CBFA2T3: variants seen among roughly 807,000 people sequenced by gnomAD.
CBFA2T3 encodes transcriptional corepressor CBFA2T3.
CBFA2T3 carries 31 observed loss-of-function variants against 58.6 expected under a neutral mutation model. That is an observed-to-expected ratio of 0.53 (90% CI 0.40 to 0.71). The LOEUF is 0.71. Ranked by LOEUF, CBFA2T3 falls within the 30% of genes least tolerant of loss-of-function variation. The probability of loss-of-function intolerance (pLI) is 0.00; values close to 1 mark genes in which losing one functional copy is unlikely to be tolerated. For missense variants in CBFA2T3, 1,076 were observed against 963.1 expected (o/e 1.12, Z -1.55); for synonymous variants, 531 against 421.9 (o/e 1.26, Z -3.17).
chr16:88,947,097 A>G (rs1003870470), intron 1 of CBFA2T3, among the ~76,000 whole-genome samples: 1 of 152,266 alleles, frequency 6.6e-6, no homozygotes, highest in Non-Finnish European at 1.5e-5. Context: ...ATTTCAGTTA[A>G]TGAAAAGGTG....
chr16:88,925,834 C>T (rs1971068972), intron 1 of CBFA2T3, among the ~76,000 whole-genome samples: 1 of 152,200 alleles, frequency 6.6e-6, no homozygotes, highest in Non-Finnish European at 1.5e-5. Context: ...ATAGGGAGCC[C>T]CGGTACCAAG....
chr16:88,900,417 C>A (rs773855135), intron 2 of CBFA2T3, among the ~76,000 whole-genome samples: 4 of 152,228 alleles, frequency 2.6e-5, no homozygotes, highest in African/African-American at 9.6e-5. Context: ...GCGGAGCAGG[C>A]CCCCAGCCTC....
chr16:88,922,321 G>A (rs1307944681), intron 1 of CBFA2T3, among the ~76,000 whole-genome samples: 3 of 152,266 alleles, frequency 2.0e-5, no homozygotes, highest in Non-Finnish European at 2.9e-5. Context: ...CAGAGTAAAA[G>A]TCCTGTCCAG....
intron 1 of CBFA2T3, chr16:88,937,589 C>G (rs555905478): frequency 6.6e-6 from 1 of 152,284 alleles, no homozygotes. Context: ...TACCCACCCG[C>G]GTCGGGCTCC....
intron 1 of CBFA2T3, among the ~76,000 whole-genome samples, chr16:88,902,959 G>A (rs771026416): frequency 3.1e-4 from 47 of 152,002 alleles, no homozygotes; most frequent in Non-Finnish European, 5.1e-4. Context: ...TCTCACCCAC[G>A]ACTGCCCTGC....
chr16:88,916,558 G>C (rs1489883339), intron 1 of CBFA2T3, among the ~76,000 whole-genome samples: 3 of 139,446 alleles, frequency 2.2e-5, no homozygotes, highest in African/African-American at 7.9e-5. Flanking sequence ...GATGGCTGCA[G>C]AACACTCCGG....
intron 1 of CBFA2T3, chr16:88,941,114 C>T (rs1871367075): frequency 1.0e-6 from 1 of 984,116 alleles, no homozygotes; most frequent in South Asian, 4.7e-5. Context: ...GTCCCCGCCT[C>T]CACGACTCAG....
chr16:88,895,995 C>A (rs1308354595), intron 3 of CBFA2T3, among the ~76,000 whole-genome samples: 2 of 152,206 alleles, frequency 1.3e-5, no homozygotes, highest in African/African-American at 4.8e-5. Flanking sequence ...TACTGTGTGT[C>A]CCCAGCCAGA....
chr16:88,954,230 C>A (rs1972148771), intron 1 of CBFA2T3, among the ~76,000 whole-genome samples: 1 of 152,182 alleles, frequency 6.6e-6, no homozygotes, highest in Non-Finnish European at 1.5e-5. Context: ...GCACCCTGAC[C>A]ACCATGATAG....
chr16:88,888,976 T>C (rs1023588760), intron 5 of CBFA2T3, among the ~76,000 whole-genome samples: 1 of 151,564 alleles, frequency 6.6e-6, no homozygotes, highest in Admixed American at 6.6e-5. Flanking sequence ...CCAGACGTCA[T>C]GGACAGGGGC....
At chr16:88,936,006 C>T (rs1213326090) in intron 1 of CBFA2T3, among the ~76,000 whole-genome samples, 1 of 152,170 alleles carries the variant, frequency 6.6e-6, no homozygotes, top group African/African-American at 2.4e-5. Context: ...CCTCCGGGAA[C>T]AGGGCAGGGG....
intron 1 of CBFA2T3, among the ~76,000 whole-genome samples, chr16:88,927,219 G>C (rs1158967106): frequency 6.6e-6 from 1 of 152,192 alleles, no homozygotes; most frequent in Non-Finnish European, 1.5e-5. Flanking sequence ...AGATGGAGGC[G>C]TGGCTCAGAG....
chr16:88,904,260 G>A (rs1487663267), intron 1 of CBFA2T3, among the ~76,000 whole-genome samples: 1 of 152,122 alleles, frequency 6.6e-6, no homozygotes, highest in Non-Finnish European at 1.5e-5. Flanking sequence ...CTGGACAGAG[G>A]CTCACTGCAG....
intron 1 of CBFA2T3, among the ~76,000 whole-genome samples, chr16:88,968,808 C>T (rs1169392100): frequency 2.6e-5 from 4 of 152,276 alleles, no homozygotes; most frequent in South Asian, 2.1e-4. Context: ...GCGCCTGGCA[C>T]GGAGGGGTGT....
At chr16:88,918,958 A>T (rs1970827003) in intron 1 of CBFA2T3, among the ~76,000 whole-genome samples, 3 of 152,284 alleles carry the variant, frequency 2.0e-5, no homozygotes. Context: ...AAATTTATTC[A>T]AAGACCTGTG....
intron 1 of CBFA2T3, among the ~76,000 whole-genome samples, chr16:88,954,414 C>CCCCACCCAAGGCTCCTGAT (rs1972160654): frequency 1.8e-5 from 2 of 108,112 alleles, no homozygotes; most frequent in Non-Finnish European, 4.0e-5. Context: ...AGACTCCTGA[C>CCCCACCCAAGGCTCCTGAT]CCCACCCAAG....
Position 88,877,050 on chromosome 16 carries a change from C to T in CBFA2T3, c.1888G>A (p.Glu630Lys), listed in dbSNP as rs375495507. 4.9e-5 allele frequency: 74 copies of T among 1,517,162 alleles called. No individual in the cohort carries two copies. The highest frequency in any genetic ancestry group is 1.2e-4 in the South Asian group (10 of 82,518). 94.0% of individuals were successfully genotyped at this position (1,517,162 alleles called of 1,614,324 possible). The change falls in exon 12 of 12, where the codon GAA becomes AAA. Residue 630 changes from glutamate (E) to lysine (K), a missense_variant. By Grantham distance (56) the Glu-to-Lys change is moderately conservative (BLOSUM62 1). Coordinates refer to ENST00000268679, the MANE Select transcript of CBFA2T3 (RefSeq NM_005187.6). ...SLPVGAASPS[E>K]AGSAGPSRPG... ...CGAGAAGGCCCCGCAGAGCCGGCTT[C>T]GCTGGGGCTGGCAGCACCCACAGGC...
intron 1 of CBFA2T3, among the ~76,000 whole-genome samples, chr16:88,902,136 C>G (rs1178266194): frequency 1.3e-5 from 2 of 152,218 alleles, no homozygotes; most frequent in Admixed American, 6.5e-5. Context: ...CTGGTCTGGC[C>G]CTGGAAGCCA....
At chr16:88,907,921 C>T (rs1970393518) in intron 1 of CBFA2T3, among the ~76,000 whole-genome samples, 1 of 152,226 alleles carries the variant, frequency 6.6e-6, no homozygotes, top group Non-Finnish European at 1.5e-5. Context: ...TGCGGTTTTC[C>T]CCAAAGGGTC....
Sources: gnomAD v4.1 joint callset for allele counts (sites outside exome capture counted in the v4.1 genomes callset) on GRCh38, gnomAD v4.1.1 for gene constraint, MANE v1.5 for transcripts, NCBI Gene and HGNC (gene_info 2026-07-23, HGNC 2026-07-21) for gene names.